The following AP2S1 variants were observed in gnomAD, a reference collection of about 807,000 sequenced individuals.
AP2S1 encodes adaptor related protein complex 2 subunit sigma 1, also known as AP-2 complex subunit sigma.
Under a neutral mutation model 21.0 loss-of-function variants are expected in AP2S1, and 6 were observed. The ratio of observed to expected loss-of-function variants is 0.29; its 90% CI spans 0.16 to 0.56. The LOEUF is 0.56. AP2S1 is among the 20% of genes least tolerant of loss of function. AP2S1 has a pLI of 0.92. For missense variants in AP2S1, 60 were observed against 186.2 expected, an observed-to-expected ratio of 0.32 and a Z score of 3.95; for synonymous variants, 63 against 74.6, an observed-to-expected ratio of 0.84 and a Z score of 0.80.
chr19:46,846,189 G>A lies in AP2S1; in HGVS notation c.4-47C>T, dbSNP rs765496595. The A allele has an allele frequency of 2.5e-6, 4 of 1,608,978 alleles. No individual in the cohort carries two copies. In the Admixed American group the frequency reaches 5.0e-5, roughly 20 times the overall value. Reference sequence around the variant, plus strand: ...GGAGGAAGTGAGAGAGGCAGAGAGGGCGGGTTGGGTGCTGCCCAACGGCCC... The same window carrying A: ...GGAGGAAGTGAGAGAGGCAGAGAGGACGGGTTGGGTGCTGCCCAACGGCCC... On this transcript the variant is annotated intron_variant, in intron 1 of 4. Coordinates refer to ENST00000263270, the MANE Select transcript of AP2S1 (RefSeq NM_004069.6).
chr19:46,842,638 G>A (rs1169151647), intron 2 of AP2S1, among the ~76,000 whole-genome samples: 1 of 151,898 alleles, frequency 6.6e-6, no homozygotes, highest in East Asian at 1.9e-4. Flanking sequence ...GACCCCTCCC[G>A]CGCCCCAGCC....
intron 2 of AP2S1, among the ~76,000 whole-genome samples, chr19:46,841,889 G>A (rs1010967692): frequency 1.3e-5 from 2 of 152,334 alleles, no homozygotes; most frequent in East Asian, 3.9e-4. Context: ...GACAGTGCGA[G>A]TCAGACAGAG....
intron 1 of AP2S1, among the ~76,000 whole-genome samples, chr19:46,848,412 T>C (rs565415098): frequency 6.6e-6 from 1 of 152,228 alleles, no homozygotes; most frequent in Admixed American, 6.5e-5. Flanking sequence ...AGAGGTATAG[T>C]ACAGTGACTG....
chr19:46,846,273 G>C, intron 1 of AP2S1, 131 bp from the exon 2 acceptor site: 1 of 1,200,202 alleles, frequency 8.3e-7, no homozygotes, highest in Non-Finnish European at 1.2e-6. Flanking sequence ...TGACTTCCAG[G>C]GGTCTCGGCT....
chr19:46,840,959 T>G lies in AP2S1; in HGVS notation c.154-1381A>C, dbSNP rs1230561538. ...AAGCATGTTTTCAGGGTTTTTTTTG[T>G]TTTTTGGTTTTTTTGAGACAGTCTC... On this transcript the variant is annotated intron_variant, in intron 2 of 4. Coordinates refer to ENST00000263270, the MANE Select transcript of AP2S1 (RefSeq NM_004069.6). 9.9e-5 allele frequency among the ~76,000 whole-genome samples: 15 copies of G among 151,582 alleles called. 1 individual carries two copies. The highest frequency in any genetic ancestry group is 2.2e-4 in the Non-Finnish European group (15 of 67,902).
In AP2S1 at chr19:46,838,683, G is replaced by A; in HGVS notation, c.327+57C>T. The A allele has an allele frequency of 1.3e-6, 2 of 1,598,148 alleles. No individual in the cohort carries two copies. Among genetic ancestry groups the A allele is most frequent in the Non-Finnish European group, 1.7e-6 (2 of 1,166,398 alleles). Reference sequence around the variant, plus strand: ...GGCTCCGGGTGGCTAGTGCACCACGGGTCCCCCCCGTCCCCCTCCTCTGGC... The same window carrying A: ...GGCTCCGGGTGGCTAGTGCACCACGAGTCCCCCCCGTCCCCCTCCTCTGGC... On this transcript the variant is annotated intron_variant, in intron 4 of 4. Transcript: ENST00000263270. The surrounding 1 kb of genome is among the most constrained non-coding windows in gnomAD (Gnocchi z 4.1).
rs546374051 is a variant in AP2S1, at chr19:46,843,528, C to T, written c.153+2465G>A. On this transcript the variant is annotated intron_variant, in intron 2 of 4. Coordinates refer to ENST00000263270, the MANE Select transcript of AP2S1 (RefSeq NM_004069.6). ...CTGGAGCTCAGGAGTTCGAGACCAG[C>T]CTGGGCAACATGGCGAAACCCTGTC... Among the ~76,000 whole-genome samples the T allele has an allele frequency of 1.5e-3, 226 of 152,214 alleles. 1 individual carries two copies. Among genetic ancestry groups the T allele is most frequent in the South Asian group, 6.4e-3 (31 of 4,818 alleles).
At chr19:46,850,737 G>C in intron 1 of AP2S1, 27 bp downstream of exon 1, 1 of 1,558,184 alleles carries the variant, frequency 6.4e-7, no homozygotes. Flanking sequence ...CCCTCCGCCA[G>C]TCCCCGGCGT....
intron 2 of AP2S1, among the ~76,000 whole-genome samples, chr19:46,842,228 C>A (rs551560406): frequency 6.6e-6 from 1 of 152,098 alleles, no homozygotes; most frequent in South Asian, 2.1e-4. Flanking sequence ...CTTCCAGTTG[C>A]CTACTCCTCC....
rs771792607 is a variant in AP2S1, at chr19:46,839,286, C to CAAAAAAAAA, written c.267+170_267+178dup. ...TGGGCGACAGAACAAGACTCCGTCT[C>CAAAAAAAAA]AAAAAAAAAAAAAAAAAAAAAAAAA... is the stretch of plus-strand genomic sequence containing the variant. On this transcript the variant is annotated intron_variant, in intron 3 of 4. Transcript: ENST00000263270. Among the ~76,000 whole-genome samples, 116 of 72,902 alleles carry CAAAAAAAAA rather than the reference C, an allele frequency of 1.6e-3. 1 individual carries two copies. The highest frequency in any genetic ancestry group is 9.8e-3 in the Middle Eastern group (1 of 102). The allele number at this position is 72,902 out of a possible 152,430, so 47.8% of individuals were successfully genotyped here. A position where few individuals can be genotyped will look rare whatever the true frequency, so the allele number is the denominator to read the frequency against.
At chr19:46,839,320 AAAAG>A in intron 3 of AP2S1, 141 bp downstream of exon 3, 11 of 705,372 alleles carry the variant, frequency 1.6e-5, no homozygotes, top group South Asian at 2.4e-5. Flanking sequence ...AAAAAAAAGA[AAAAG>A]AAAAAAAAGA....
chr19:46,841,750 G>A (rs1465865036), intron 2 of AP2S1, among the ~76,000 whole-genome samples: 2 of 152,184 alleles, frequency 1.3e-5, no homozygotes, highest in African/African-American at 4.8e-5. Context: ...GACCTTATAT[G>A]GCAAAAAGGG....
Position 46,838,364 on chromosome 19 carries a change from G to T in AP2S1, c.*83C>A. 1 of 1,376,094 alleles carries T rather than the reference G, an allele frequency of 7.3e-7. No homozygotes were observed. The highest frequency in any genetic ancestry group is 1.2e-5 in the South Asian group (1 of 84,208). The allele number at this position is 1,376,094 out of a possible 1,614,324, so 85.2% of individuals were successfully genotyped here. Reference sequence around the variant, plus strand: ...CTCCTAGGCAGCTGAGGGAAGGACTGCTGGGTTGGCCACGGGCCTGGGAAG... The same window carrying T: ...CTCCTAGGCAGCTGAGGGAAGGACTTCTGGGTTGGCCACGGGCCTGGGAAG... On this transcript the variant is annotated 3_prime_UTR_variant, in exon 5 of 5. Coordinates refer to ENST00000263270, the MANE Select transcript of AP2S1 (RefSeq NM_004069.6). The surrounding 1 kb of genome is among the most constrained non-coding windows in gnomAD (Gnocchi z 4.1).
In AP2S1 at chr19:46,838,653, G is replaced by A; in HGVS notation, c.327+87C>T. The A allele has an allele frequency of 6.4e-7, 1 of 1,569,958 alleles. No homozygotes were observed. Among genetic ancestry groups the A allele is most frequent in the Non-Finnish European group, 8.8e-7 (1 of 1,141,556 alleles). ...CCCTCGAGCTGGGACACAGACCTCA[G>A]CAGAGGCTCCGGGTGGCTAGTGCAC... On this transcript the variant is annotated intron_variant, in intron 4 of 4. Transcript: ENST00000263270. This position sits in a 1 kb window ranked among gnomAD's most constrained non-coding sequence, Gnocchi z 4.1.
Position 46,838,627 on chromosome 19 carries a change from C to A in AP2S1, c.328-79G>T, listed in dbSNP as rs147698652. On this transcript the variant is annotated intron_variant, in intron 4 of 4. Coordinates refer to ENST00000263270, the MANE Select transcript of AP2S1 (RefSeq NM_004069.6). The surrounding 1 kb of genome is among the most constrained non-coding windows in gnomAD (Gnocchi z 4.1). ...GACCCTGGAAGCTGGGGCTCTGATG[C>A]CCCTCGAGCTGGGACACAGACCTCA... 3,154 of 1,575,292 alleles carry A rather than the reference C, an allele frequency of 2.0e-3. 60 individuals are homozygous for A. The African/African-American group carries it at 0.038, about 19-fold the overall frequency.
intron 2 of AP2S1, among the ~76,000 whole-genome samples, chr19:46,843,717 C>T (rs1043129388): frequency 4.0e-5 from 6 of 151,352 alleles, no homozygotes; most frequent in African/African-American, 1.5e-4. Flanking sequence ...AGTGAGAACC[C>T]ACCTGAAAAG....
intron 1 of AP2S1, chr19:46,850,000 A>G (rs910901765): frequency 3.8e-6 from 3 of 785,208 alleles, no homozygotes; most frequent in Non-Finnish European, 5.2e-6. Context: ...CCTAAATCCA[A>G]TGTTGAGTCT....
At chr19:46,842,323 C>G (rs773645940) in intron 2 of AP2S1, among the ~76,000 whole-genome samples, 8 of 152,094 alleles carry the variant, frequency 5.3e-5, no homozygotes, top group Non-Finnish European at 1.2e-4. Context: ...CCAGGCTCCT[C>G]GATCCCAGCC....
In AP2S1 at chr19:46,839,672, G is replaced by A. The variant is rs17716171; in HGVS notation, c.154-94C>T. 106,391 of 1,569,946 alleles carry A rather than the reference G, an allele frequency of 0.068. 4,087 individuals are homozygous for A. Among genetic ancestry groups the A allele is most frequent in the South Asian group, 0.13 (10,826 of 85,880 alleles). The stretch of plus-strand genomic sequence containing the variant: ...AAACATTCACTCCTTCACTCCATAC[G>A]TGGTCCCGAGGCCCAGCTCTGTGCC... On this transcript the variant is annotated intron_variant, in intron 2 of 4. Coordinates refer to ENST00000263270, the MANE Select transcript of AP2S1 (RefSeq NM_004069.6).
Sources: gnomAD v4.1 joint callset for allele counts (sites outside exome capture counted in the v4.1 genomes callset) on GRCh38, gnomAD v4.1.1 for gene constraint, Gnocchi (gnomAD v3.1) non-coding constraint, MANE v1.5 for transcripts, NCBI Gene and HGNC (gene_info 2026-07-23, HGNC 2026-07-21) for gene names.